Variants in ZCCHC8 observed in about 807,000 individuals in gnomAD.
The protein encoded by ZCCHC8 is zinc finger CCHC domain-containing protein 8.
Under a neutral mutation model 70.6 loss-of-function variants are expected in ZCCHC8, and 27 were observed. The observed-to-expected ratio is 0.38, with a 90% CI of 0.28 to 0.53. The LOEUF (loss-of-function observed/expected upper bound fraction) is 0.53, where lower values mean the gene tolerates loss of function less well. Ranked by LOEUF, ZCCHC8 falls within the 20% of genes least tolerant of loss-of-function variation. ZCCHC8 has a pLI of 0.81. For synonymous variants in ZCCHC8, 293 were observed against 317.4 expected (o/e 0.92, Z 0.82); for missense variants, 737 against 876.9 (o/e 0.84, Z 2.01).
intron 13 of ZCCHC8, among the ~76,000 whole-genome samples, chr12:122,474,565 T>C (rs1040864186): frequency 2.6e-5 from 4 of 152,012 alleles, no homozygotes; most frequent in African/African-American, 9.7e-5. Context: ...ATGCGAGCAA[T>C]TGCATGGAGA....
At chr12:122,499,635 A>T (rs1957884562) in intron 1 of ZCCHC8, 1 of 152,086 alleles carries the variant, frequency 6.6e-6, no homozygotes, top group South Asian at 2.1e-4. Context: ...CACAATGTGG[A>T]GGAAGACGAC....
At chr12:122,475,125 G>A (rs1957393789) in intron 13 of ZCCHC8, among the ~76,000 whole-genome samples, 1 of 152,114 alleles carries the variant, frequency 6.6e-6, no homozygotes, top group East Asian at 1.9e-4. Flanking sequence ...TCAGCTGGCT[G>A]CAACCTCTGC....
chr12:122,488,092 CA>C (rs1189516911), intron 5 of ZCCHC8, among the ~76,000 whole-genome samples: 3 of 151,338 alleles, frequency 2.0e-5, no homozygotes. Flanking sequence ...AGTGCAGTGG[CA>C]AATCTCGGCT....
At chr12:122,478,164 CACA>C (rs763892533) in intron 12 of ZCCHC8, 39 bp downstream of exon 12, 20 of 1,475,448 alleles carry the variant, frequency 1.4e-5, no homozygotes, top group South Asian at 7.2e-5. Context: ...ATCTCGCAGA[CACA>C]ACAACATTTT....
intron 1 of ZCCHC8, chr12:122,499,933 A>T (rs1182779277): frequency 6.6e-6 from 1 of 152,154 alleles, no homozygotes; most frequent in Admixed American, 6.5e-5. Flanking sequence ...AAAGTTATCT[A>T]TCTACCTATA....
chr12:122,485,166 T>C (rs913935041), intron 5 of ZCCHC8, among the ~76,000 whole-genome samples: 1 of 152,220 alleles, frequency 6.6e-6, no homozygotes, highest in Admixed American at 6.5e-5. Context: ...TGGAGTGCCA[T>C]GGCGCAATCT....
At chr12:122,495,093 TAGA>T (rs1191767848) in intron 2 of ZCCHC8, among the ~76,000 whole-genome samples, 6 of 152,308 alleles carry the variant, frequency 3.9e-5, no homozygotes, top group Admixed American at 2.0e-4. Context: ...TGCATGGGAT[TAGA>T]AGGAGGCAAT....
At chr12:122,494,149 G>A (rs1200077746) in intron 2 of ZCCHC8, among the ~76,000 whole-genome samples, 2 of 152,132 alleles carry the variant, frequency 1.3e-5, no homozygotes, top group South Asian at 2.1e-4. Context: ...TGGGTAGCCC[G>A]GGGCCAGCTG....
intron 4 of ZCCHC8, among the ~76,000 whole-genome samples, chr12:122,489,983 A>T (rs997308089): frequency 2.6e-5 from 4 of 151,670 alleles, no homozygotes; most frequent in Admixed American, 6.6e-5. Context: ...TTTTTAATAA[A>T]AAAAAAAAAG....
Position 122,480,298 on chromosome 12 carries a change from C to T in ZCCHC8, c.1032G>A (p.Gly344=). ...ALYDGKDGTD[G]ETEVGEIQQN... Reference sequence around the variant, plus strand: ...GTTGTATTTCTCCAACTTCTGTTTCCCCATCAGTGCCATCTATTACAGACC... The same window carrying T: ...GTTGTATTTCTCCAACTTCTGTTTCTCCATCAGTGCCATCTATTACAGACC... The change falls in exon 11 of 14, where the codon GGG becomes GGA. Residue 344 remains glycine, a synonymous_variant. Transcript: ENST00000633063. The T allele has an allele frequency of 6.2e-7, 1 of 1,610,318 alleles. No individual in the cohort carries two copies. The highest frequency in any genetic ancestry group is 1.1e-5 in the South Asian group (1 of 90,462).
At chr12:122,490,073 T>G in intron 4 of ZCCHC8, among the ~76,000 whole-genome samples, 1 of 152,086 alleles carries the variant, frequency 6.6e-6, no homozygotes, top group East Asian at 1.9e-4. Context: ...AATATTCACA[T>G]AGTAAAACTT....
At chr12:122,475,335 G>A (rs143105566) in intron 13 of ZCCHC8, among the ~76,000 whole-genome samples, 1 of 152,244 alleles carries the variant, frequency 6.6e-6, no homozygotes, top group Non-Finnish European at 1.5e-5. Context: ...CTGAGCCACT[G>A]TGCCTGGCCC....
chr12:122,474,116 T>C lies in ZCCHC8; in HGVS notation c.1505A>G (p.Gln502Arg). ...CACAGCTCCAGATGCTGTTCTGGTCTGGGGTGAGTCACTGGGAGTCAGCGG... is the reference window on the plus strand; with the variant it reads ...CACAGCTCCAGATGCTGTTCTGGTCCGGGGTGAGTCACTGGGAGTCAGCGG... The part of the protein sequence containing the change: ...TPPLTPSDSP[Q>R]TRTASGAVDE... Residue 502 changes from glutamine (Q) to arginine (R), a missense_variant, in exon 14 of 14, where the codon CAG becomes CGG. Gln to Arg is a conservative substitution (Grantham distance 43). Transcript: ENST00000633063. 6.6e-7 allele frequency: 1 copy of C among 1,512,744 alleles called. No individual in the cohort carries two copies. The highest frequency in any genetic ancestry group is 8.8e-7 in the Non-Finnish European group (1 of 1,134,806). 93.7% of individuals were successfully genotyped at this position (1,512,744 alleles called of 1,614,324 possible).
chr12:122,500,598 G>C lies in ZCCHC8; in HGVS notation c.199+44C>G. ...CCGGCCCCACGCCTGGCGCTGCCCC[G>C]GCCCCACACCCGGGTGACAGGGCCC... is the stretch of plus-strand genomic sequence containing the variant. On this transcript the variant is annotated intron_variant, in intron 1 of 13. Coordinates refer to ENST00000633063, the MANE Select transcript of ZCCHC8 (RefSeq NM_017612.5). This position sits in a 1 kb window ranked among gnomAD's most constrained non-coding sequence, Gnocchi z 4.8. 1 of 1,522,308 alleles carries C rather than the reference G, an allele frequency of 6.6e-7. No individual in the cohort carries two copies. The highest frequency in any genetic ancestry group is 1.2e-5 in the South Asian group (1 of 82,700). The allele number at this position is 1,522,308 out of a possible 1,614,324, so 94.3% of individuals were successfully genotyped here.
Position 122,473,842 on chromosome 12 carries a change from A to G in ZCCHC8, c.1779T>C (p.Ala593=). ...CAGAGTCTGGACTGGAGGCATGTCC[A>G]GCTTCTGATTTCTTTGTAAAAATCT... ...VPEIFTKKSE[A]GHASSPDSEV... The change falls in exon 14 of 14, where the codon GCT becomes GCC. Residue 593 remains alanine, a synonymous_variant. Coordinates refer to ENST00000633063, the MANE Select transcript of ZCCHC8 (RefSeq NM_017612.5). 4 of 1,613,928 alleles carry G rather than the reference A, an allele frequency of 2.5e-6. No homozygotes were observed. Among genetic ancestry groups the G allele is most frequent in the Non-Finnish European group, 3.4e-6 (4 of 1,179,880 alleles).
intron 13 of ZCCHC8, among the ~76,000 whole-genome samples, chr12:122,477,338 T>A (rs1957438917): frequency 6.6e-6 from 1 of 150,434 alleles, no homozygotes; most frequent in South Asian, 2.1e-4. Context: ...GTATTTTTAA[T>A]AGAGACAGGG....
rs560831048 is a variant in ZCCHC8, at chr12:122,496,448, C to T, written c.242+2379G>A. Among the ~76,000 whole-genome samples the T allele has an allele frequency of 7.9e-5, 12 of 152,210 alleles. No individual in the cohort carries two copies. In the East Asian group the frequency reaches 2.3e-3, roughly 29 times the overall value. ...TAATCGTTTGAACTCGGATAAAAAT[C>T]ACCCAATTTAAGATAAATATTAAAT... On this transcript the variant is annotated intron_variant, in intron 2 of 13. Coordinates refer to ENST00000633063, the MANE Select transcript of ZCCHC8 (RefSeq NM_017612.5).
At chr12:122,497,904 G>A (rs1957851042) in intron 2 of ZCCHC8, among the ~76,000 whole-genome samples, 1 of 152,082 alleles carries the variant, frequency 6.6e-6, no homozygotes, top group South Asian at 2.1e-4. Flanking sequence ...AGCTATTTGG[G>A]AGGCTGAGGC....
At position 122,472,476 on chromosome 12, in the gene ZCCHC8, G is replaced by A. The variant is rs1168152130; in HGVS notation, c.*1021C>T. 1 of 152,128 alleles carries A rather than the reference G, an allele frequency of 6.6e-6. No individual in the cohort carries two copies. The highest frequency in any genetic ancestry group is 1.5e-5 in the Non-Finnish European group (1 of 68,076). The allele number at this position is 152,128 out of a possible 1,614,324, so 9.4% of individuals were successfully genotyped here. Reference sequence around the variant, plus strand: ...TCCTCCTTGGCCTCCCAAAGTGCTAGGATTATAAGCATGAGCCACCACGCC... The same window carrying A: ...TCCTCCTTGGCCTCCCAAAGTGCTAAGATTATAAGCATGAGCCACCACGCC... On this transcript the variant is annotated 3_prime_UTR_variant, in exon 14 of 14. Coordinates refer to ENST00000633063, the MANE Select transcript of ZCCHC8 (RefSeq NM_017612.5).
Sources: allele counts gnomAD v4.1 joint callset (sites outside exome capture counted in the v4.1 genomes callset), GRCh38; gene constraint gnomAD v4.1.1; non-coding constraint Gnocchi (gnomAD v3.1); transcripts MANE v1.5; gene names NCBI Gene and HGNC (gene_info 2026-07-23, HGNC 2026-07-21).